The following POLQ variants were observed in gnomAD, a reference collection of about 807,000 sequenced individuals.
POLQ encodes DNA polymerase theta.
In POLQ, 233 loss-of-function variants were observed where a neutral mutation model predicts 259.2. That is an observed-to-expected ratio of 0.90 (90% confidence interval 0.81 to 1.00). The LOEUF (loss-of-function observed/expected upper bound fraction) is 1.00. Among genes scored for constraint, POLQ ranks in the 50% least tolerant of loss-of-function variants. POLQ has a pLI of 0.00. For synonymous variants in POLQ, 1,025 were observed against 1,048.8 expected (o/e 0.98, Z 0.44); for missense variants, 2,871 against 3,051.6 (o/e 0.94, Z 1.39).
chr3:121,521,568 G>T (rs116468246), intron 8 of POLQ: 1 of 152,296 alleles, frequency 6.6e-6, no homozygotes, highest in South Asian at 2.1e-4. Flanking sequence ...AAACAGGTTC[G>T]TTTTACTCTT....
In POLQ at chr3:121,489,024, TTTTG is replaced by T; in HGVS notation, c.3903_3906del (p.Asn1301LysfsTer10). ...AAGTCAGAAACATGATTATTTTTAG[TTTTG>T]TTTGTTGTATAAGTACCTGTTTTTT... On this transcript the variant is annotated frameshift_variant, in exon 16 of 30. Coordinates refer to ENST00000264233, the MANE Select transcript of POLQ (RefSeq NM_199420.4). LOFTEE classifies it high-confidence loss of function. 1 of 1,612,846 alleles carries T rather than the reference TTTTG, an allele frequency of 6.2e-7. No homozygotes were observed. The highest frequency in any genetic ancestry group is 8.5e-7 in the Non-Finnish European group (1 of 1,179,208).
At chr3:121,473,285 C>A in intron 21 of POLQ, 65 bp downstream of exon 21, 1 of 1,375,352 alleles carries the variant, frequency 7.3e-7, no homozygotes, top group Non-Finnish European at 9.8e-7. Flanking sequence ...AGCATTCTTT[C>A]TAGACACCAA....
Position 121,512,014 on chromosome 3 carries a change from A to G in POLQ, c.1484T>C (p.Ile495Thr). The G allele has an allele frequency of 6.2e-7, 1 of 1,613,188 alleles. No individual in the cohort carries two copies. The stretch of plus-strand genomic sequence containing the variant: ...TTTTGATTTCTCAGAGTTCTTACAA[A>G]TTAAGATACTCTCGCCTATAACCAA... ...GVDTVGESIL[I>T]CKNSEKSKGI... The change falls in exon 10 of 30, where the codon ATT becomes ACT. Residue 495 changes from isoleucine to threonine, a missense_variant. This residue lies in a region of POLQ where 783 missense variants were observed against 906.2 expected (regional missense o/e 0.86). Transcript: ENST00000264233.
At position 121,488,188 on chromosome 3, in the gene POLQ, C is replaced by G; in HGVS notation, c.4743G>C (p.Lys1581Asn). The G allele has an allele frequency of 6.2e-7, 1 of 1,613,614 alleles. No homozygotes were observed. The highest frequency in any genetic ancestry group is 8.5e-7 in the Non-Finnish European group (1 of 1,179,880). Residue 1581 changes from lysine (K) to asparagine (N), a missense_variant, in exon 16 of 30, where the codon AAG becomes AAC. Lys to Asn is a moderately conservative substitution (Grantham distance 94). Around this residue, in one of 3 missense-constraint regions of POLQ, gnomAD observed 2,080 missense variants for 2,126.0 expected, o/e 0.98. Coordinates refer to ENST00000264233, the MANE Select transcript of POLQ (RefSeq NM_199420.4). ...CTCTAGGAGATACTACAGTATGATT[C>G]TTCTCTTGGACAGGAAATATATCCA... is the stretch of plus-strand genomic sequence containing the variant. ...DNVDIFPVQEKNHTVVSPRAL... is the reference protein window; with the variant it reads ...DNVDIFPVQENNHTVVSPRAL...
At chr3:121,545,191 G>A (rs1028761473) in intron 1 of POLQ, among the ~76,000 whole-genome samples, 1 of 151,946 alleles carries the variant, frequency 6.6e-6, no homozygotes, top group Non-Finnish European at 1.5e-5. Flanking sequence ...GGGGAGGAGG[G>A]CAATATGCAA....
At chr3:121,442,434 A>T (rs1159235184) in intron 26 of POLQ, among the ~76,000 whole-genome samples, 2 of 151,870 alleles carry the variant, frequency 1.3e-5, no homozygotes, top group Non-Finnish European at 2.9e-5. Context: ...AATACCCCCT[A>T]CCCCCAATAC....
intron 26 of POLQ, among the ~76,000 whole-genome samples, chr3:121,445,636 G>A (rs1310769669): frequency 6.6e-6 from 1 of 152,128 alleles, no homozygotes; most frequent in African/African-American, 2.4e-5. Flanking sequence ...GCCAAGATGG[G>A]CAGATCACTT....
rs1560089697 is a variant in POLQ at position 121,460,108 on chromosome 3, TCTGCTGCAATG to T, written c.7083_7093del (p.Ser2361ArgfsTer6). 1.9e-6 allele frequency: 3 copies of T among 1,614,100 alleles called. No homozygotes were observed. In the South Asian group the frequency reaches 3.3e-5, roughly 18 times the overall value. ...AGACTCTGGCTCAATCATCTTCCACTCTGCTGCAATGCTCCTGAAAACATCAGCTCCAGTGT... is the reference window on the plus strand; with the variant it reads ...AGACTCTGGCTCAATCATCTTCCACTCTCCTGAAAACATCAGCTCCAGTGT... On this transcript the variant is annotated frameshift_variant, in exon 25 of 30. Transcript: ENST00000264233. LOFTEE classifies it high-confidence loss of function.
Position 121,532,972 on chromosome 3 carries a change from G to A in POLQ, c.960+18C>T, listed in dbSNP as rs770405890. On this transcript the variant is annotated intron_variant, in intron 6 of 29. Transcript: ENST00000264233. The stretch of plus-strand genomic sequence containing the variant: ...ACACACAGATAAAAATAGTAGTGAT[G>A]TACATATATTGATTTACCTTCACTT... 1 of 1,433,730 alleles carries A rather than the reference G, an allele frequency of 7.0e-7. No homozygotes were observed. The highest frequency in any genetic ancestry group is 9.7e-7 in the Non-Finnish European group (1 of 1,028,066). 88.8% of individuals were successfully genotyped at this position (1,433,730 alleles called of 1,614,324 possible).
chr3:121,472,830 A>T (rs1273560988), intron 21 of POLQ, among the ~76,000 whole-genome samples: 10 of 152,224 alleles, frequency 6.6e-5, no homozygotes, highest in Admixed American at 1.3e-4. Flanking sequence ...AAACATCTGT[A>T]AAAATGTAAA....
In POLQ at chr3:121,496,793, CTTTG is replaced by C. The variant is rs763139245; in HGVS notation, c.2278+11_2278+14del. ...CACAGTATTAAATAAATGTGAAACCCTTTGTTTAACTGACCTGCATAAACAGCAG... is the reference window on the plus strand; with the variant it reads ...CACAGTATTAAATAAATGTGAAACCCTTTAACTGACCTGCATAAACAGCAG... On this transcript the variant is annotated intron_variant, in intron 14 of 29. Transcript: ENST00000264233. 73 of 1,595,552 alleles carry C rather than the reference CTTTG, an allele frequency of 4.6e-5. No individual in the cohort carries two copies. Among genetic ancestry groups the C allele is most frequent in the Non-Finnish European group, 5.4e-5 (64 of 1,175,574 alleles).
At position 121,487,432 on chromosome 3, in the gene POLQ, G is replaced by T. The variant is rs1008712423; in HGVS notation, c.5499C>A (p.Asp1833Glu). Residue 1833 changes from aspartate (D) to glutamate (E), a missense_variant, in exon 16 of 30, where the codon GAC becomes GAA. Physicochemically the swap from Asp to Glu is conservative, Grantham distance 45 (BLOSUM62 2). Transcript: ENST00000264233. The part of the protein sequence containing the change: ...ESLSIIDVAS[D>E]QNLFQTFIKE... ...TAATGAATGTTTGGAAAAGATTTTG[G>T]TCACTTGCTACATCAATTATGGACA... is the stretch of plus-strand genomic sequence containing the variant. 7 of 1,613,900 alleles carry T rather than the reference G, an allele frequency of 4.3e-6. No homozygotes were observed. Among genetic ancestry groups the T allele is most frequent in the Non-Finnish European group, 5.1e-6 (6 of 1,179,974 alleles).
At chr3:121,519,799 A>C (rs2048325049) in intron 9 of POLQ, 72 bp downstream of exon 9, 2 of 838,974 alleles carry the variant, frequency 2.4e-6, no homozygotes, top group Non-Finnish European at 4.1e-6. Flanking sequence ...ACAGGTTGCC[A>C]GACACTAGTC....
In POLQ at chr3:121,489,994, T is replaced by A; in HGVS notation, c.2937A>T (p.Glu979Asp). ...CTCTGAAAATGGAACATGTCTGATG[T>A]TCTTGATTCCCATTCTGGAAATTAC... ...FNCNFQNGNQEHQTCSIFRAR... is the reference protein window; with the variant it reads ...FNCNFQNGNQDHQTCSIFRAR... The change falls in exon 16 of 30, where the codon GAA becomes GAT. Residue 979 changes from glutamate to aspartate, a missense_variant. Glu to Asp is a conservative substitution (Grantham distance 45, BLOSUM62 2). Transcript: ENST00000264233. 6.3e-7 allele frequency: 1 copy of A among 1,581,138 alleles called. No homozygotes were observed. Among genetic ancestry groups the A allele is most frequent in the Non-Finnish European group, 8.5e-7 (1 of 1,170,646 alleles).
At chr3:121,484,606 A>T (rs2047995445) in intron 17 of POLQ, among the ~76,000 whole-genome samples, 1 of 152,186 alleles carries the variant, frequency 6.6e-6, no homozygotes, top group African/African-American at 2.4e-5. Flanking sequence ...GCTCTCCAAA[A>T]AATTACAATT....
At chr3:121,454,895 A>G (rs1235661657) in intron 25 of POLQ, among the ~76,000 whole-genome samples, 1 of 152,238 alleles carries the variant, frequency 6.6e-6, no homozygotes, top group African/African-American at 2.4e-5. Context: ...ATAGACATCT[A>G]CAGAACTCTC....
At chr3:121,533,248 T>C (rs1270316967) in intron 5 of POLQ, 39 bp from the exon 6 acceptor site, 3 of 1,263,944 alleles carry the variant, frequency 2.4e-6, no homozygotes, top group African/African-American at 1.5e-5. Flanking sequence ...AAAAGATATA[T>C]AATACATTAA....
chr3:121,525,983 G>A (rs547601996), intron 7 of POLQ, among the ~76,000 whole-genome samples: 5 of 151,056 alleles, frequency 3.3e-5, no homozygotes, highest in East Asian at 1.9e-4. Context: ...CATGATTTTC[G>A]TTCAAGACTT....
chr3:121,529,862 T>A (rs1291943448), intron 6 of POLQ, 70 bp from the exon 7 acceptor site: 1 of 1,184,262 alleles, frequency 8.4e-7, no homozygotes, highest in African/African-American at 1.6e-5. Flanking sequence ...TTAAAAGCAC[T>A]CATTTTCCTT....
Sources: allele counts gnomAD v4.1 joint callset (sites outside exome capture counted in the v4.1 genomes callset), GRCh38; gene constraint gnomAD v4.1.1; regional missense constraint gnomAD v4.1.1; transcripts MANE v1.5; gene names NCBI Gene and HGNC (gene_info 2026-07-23, HGNC 2026-07-21).